KIF13A: variants seen among roughly 807,000 people sequenced by gnomAD.
The protein encoded by KIF13A is kinesin-like protein KIF13A.
KIF13A carries 79 observed loss-of-function variants against 212.2 expected under a neutral mutation model. That is an observed-to-expected ratio of 0.37 (90% confidence interval 0.31 to 0.45). KIF13A has a LOEUF of 0.45. KIF13A is among the 20% of genes least tolerant of loss of function. KIF13A has a pLI of 1.00. For missense variants in KIF13A, 1,901 were observed against 2,209.0 expected (o/e 0.86, Z 2.79); for synonymous variants, 789 against 808.6 (o/e 0.98, Z 0.41).
chr6:17,881,974 C>A (rs768719468), intron 3 of KIF13A: 4 of 454,986 alleles, frequency 8.8e-6, no homozygotes, highest in South Asian at 6.2e-5. Flanking sequence ...CCAGCCTGGG[C>A]AACAGAGCAA....
chr6:17,874,457 T>G (rs189163076), intron 3 of KIF13A, among the ~76,000 whole-genome samples: 1 of 152,028 alleles, frequency 6.6e-6, no homozygotes, highest in East Asian at 1.9e-4. Context: ...TTTTTTTGAG[T>G]TGGAGTCTCG....
At chr6:17,975,273 A>T (rs112045430) in intron 2 of KIF13A, among the ~76,000 whole-genome samples, 2 of 152,132 alleles carry the variant, frequency 1.3e-5, no homozygotes, top group African/African-American at 4.8e-5. Context: ...GAATTGTTTG[A>T]ATCTGGGAGG....
At chr6:17,940,344 C>G (rs1483850411) in intron 2 of KIF13A, among the ~76,000 whole-genome samples, 1 of 152,310 alleles carries the variant, frequency 6.6e-6, no homozygotes, top group African/African-American at 2.4e-5. Context: ...TTCTGCATTT[C>G]TAATGAGCTC....
At chr6:17,929,201 T>C (rs372595338) in intron 2 of KIF13A, among the ~76,000 whole-genome samples, 28 of 152,004 alleles carry the variant, frequency 1.8e-4, no homozygotes, top group African/African-American at 6.7e-4. Context: ...TTTACCTATG[T>C]GTGTGTGTGA....
At chr6:17,852,071 G>C in intron 6 of KIF13A, 29 bp from the exon 7 acceptor site, 1 of 1,198,314 alleles carries the variant, frequency 8.3e-7, no homozygotes, top group Non-Finnish European at 1.1e-6. Flanking sequence ...AGGAATAAAT[G>C]AATCACACCA....
Position 17,800,226 on chromosome 6 carries a change from C to T in KIF13A, c.2455-113G>A, listed in dbSNP as rs909945640. 3.6e-5 allele frequency: 36 copies of T among 998,800 alleles called. No individual in the cohort carries two copies. In the African/African-American group the frequency reaches 5.4e-4, roughly 15 times the overall value. The allele number at this position is 998,800 out of a possible 1,614,324, so 61.9% of individuals were successfully genotyped here. On this transcript the variant is annotated intron_variant, in intron 20 of 38. Coordinates refer to ENST00000259711, the MANE Select transcript of KIF13A (RefSeq NM_022113.6). ...CTGGAGAGGGGCTCTGCAGCTGCTGCTTGGTCGTCTTCGGCAACGGGAGCC... is the reference window on the plus strand; with the variant it reads ...CTGGAGAGGGGCTCTGCAGCTGCTGTTTGGTCGTCTTCGGCAACGGGAGCC...
chr6:17,854,963 T>C lies in KIF13A; in HGVS notation c.494+474A>G, dbSNP rs981285862. ...AAATATAGATCCCTGGGTTTCACCC[T>C]GGGTCTACTGAATACAGTCTCTATG... On this transcript the variant is annotated intron_variant, in intron 6 of 38. Transcript: ENST00000259711. Among the ~76,000 whole-genome samples, 4 of 152,204 alleles carry C rather than the reference T, an allele frequency of 2.6e-5. No homozygotes were observed. In the South Asian group the frequency reaches 8.3e-4, roughly 32 times the overall value.
chr6:17,957,039 C>A (rs917421842), intron 2 of KIF13A, among the ~76,000 whole-genome samples: 1 of 152,122 alleles, frequency 6.6e-6, no homozygotes, highest in East Asian at 1.9e-4. Context: ...CACCACCATG[C>A]CTGGCTAATT....
intron 2 of KIF13A, among the ~76,000 whole-genome samples, chr6:17,930,459 C>T (rs1232265298): frequency 6.6e-6 from 1 of 152,078 alleles, no homozygotes; most frequent in Non-Finnish European, 1.5e-5. Context: ...ATTTTAATTT[C>T]CTGGAAACAG....
At chr6:17,874,912 C>T (rs1158789719) in intron 3 of KIF13A, among the ~76,000 whole-genome samples, 1 of 122,722 alleles carries the variant, frequency 8.1e-6, no homozygotes, top group Non-Finnish European at 1.9e-5. Flanking sequence ...CAATAGTCTC[C>T]AATCTCATGC....
Position 17,984,115 on chromosome 6 carries a change from C to A in KIF13A, c.146+2939G>T, listed in dbSNP as rs1781341525. Among the ~76,000 whole-genome samples the A allele has an allele frequency of 6.6e-6, 1 of 152,224 alleles. No homozygotes were observed. The highest frequency in any genetic ancestry group is 1.5e-5 in the Non-Finnish European group (1 of 68,046). On this transcript the variant is annotated intron_variant, in intron 2 of 38. Transcript: ENST00000259711. This position sits in a 1 kb window ranked among gnomAD's most constrained non-coding sequence, Gnocchi z 5.0. ...TACCTACCTGCCTTCAAGCAGTTCA[C>A]AGCCTCCAGGGAGAGAAAGAGGAAA...
At chr6:17,922,853 G>C (rs1221707707) in intron 2 of KIF13A, among the ~76,000 whole-genome samples, 1 of 151,638 alleles carries the variant, frequency 6.6e-6, no homozygotes, top group African/African-American at 2.4e-5. Flanking sequence ...CAAACTCCTG[G>C]GCTCAAGCGA....
downstream of KIF13A, chr6:17,760,789 T>C (rs1581829966): frequency 8.5e-6 from 13 of 1,521,366 alleles, no homozygotes; most frequent in Non-Finnish European, 1.0e-5. Context: ...ATGGGGCTGG[T>C]GCTTGCCCAA....
rs1254232887 is a variant in KIF13A, at chr6:17,784,936, CAA to C, written c.3488+577_3488+578del. 2.0e-5 allele frequency among the ~76,000 whole-genome samples: 3 copies of C among 151,966 alleles called. No individual in the cohort carries two copies. In the East Asian group the frequency reaches 5.8e-4, roughly 29 times the overall value. On this transcript the variant is annotated intron_variant, in intron 28 of 38. Transcript: ENST00000259711. The stretch of plus-strand genomic sequence containing the variant: ...TATCACTAATGTTTCTATGCCAGTT[CAA>C]AAAAGACTATCTGGGCATGTACATT...
chr6:17,961,830 T>C lies in KIF13A; in HGVS notation c.146+25224A>G, dbSNP rs1183475037. On this transcript the variant is annotated intron_variant, in intron 2 of 38. Coordinates refer to ENST00000259711, the MANE Select transcript of KIF13A (RefSeq NM_022113.6). The surrounding 1 kb of genome is among the most constrained non-coding windows in gnomAD (Gnocchi z 4.1). ...CTAGTTTCAAATTCTTCTCTTATTC[T>C]CACCTAAGCCCTGTGTTCCTCTGTA... Among the ~76,000 whole-genome samples, 1 of 152,232 alleles carries C rather than the reference T, an allele frequency of 6.6e-6. No individual in the cohort carries two copies. Among genetic ancestry groups the C allele is most frequent in the Non-Finnish European group, 1.5e-5 (1 of 68,044 alleles).
At position 17,769,695 on chromosome 6, in the gene KIF13A, A is replaced by G. The variant is rs893217124; in HGVS notation, c.4581+1419T>C. ...AATTGAGTGGCTGTGCACCACAGTG[A>G]TAAGTGTCATGCCAATAAACAGATC... On this transcript the variant is annotated intron_variant, in intron 38 of 38. Coordinates refer to ENST00000259711, the MANE Select transcript of KIF13A (RefSeq NM_022113.6). The surrounding 1 kb of genome is among the most constrained non-coding windows in gnomAD (Gnocchi z 5.8). 1.3e-5 allele frequency among the ~76,000 whole-genome samples: 2 copies of G among 152,164 alleles called. No homozygotes were observed. Among genetic ancestry groups the G allele is most frequent in the African/African-American group, 4.8e-5 (2 of 41,438 alleles).
intron 16 of KIF13A, among the ~76,000 whole-genome samples, chr6:17,817,863 G>T (rs184810880): frequency 3.9e-5 from 6 of 152,272 alleles, no homozygotes; most frequent in Admixed American, 2.6e-4. Context: ...AACATCTCAC[G>T]TGTACAGGCA....
rs1482604606 is a variant in KIF13A, at chr6:17,892,745, T to C, written c.159+5423A>G. Reference sequence around the variant, plus strand: ...CTACAAGGATGGGAGAGCATCTGGGTTGCTGAACACAAGAAGGTACTGGAA... The same window carrying C: ...CTACAAGGATGGGAGAGCATCTGGGCTGCTGAACACAAGAAGGTACTGGAA... On this transcript the variant is annotated intron_variant, in intron 3 of 38. Transcript: ENST00000259711. This position sits in a 1 kb window ranked among gnomAD's most constrained non-coding sequence, Gnocchi z 4.7. Among the ~76,000 whole-genome samples the C allele has an allele frequency of 2.6e-5, 4 of 152,168 alleles. No homozygotes were observed. The highest frequency in any genetic ancestry group is 5.9e-5 in the Non-Finnish European group (4 of 68,020).
intron 2 of KIF13A, among the ~76,000 whole-genome samples, chr6:17,916,116 G>A (rs958961423): frequency 4.0e-4 from 61 of 152,220 alleles, no homozygotes; most frequent in African/African-American, 1.4e-3. Flanking sequence ...TGACATGTCT[G>A]TGACAAAAGT....
Sources: allele counts gnomAD v4.1 joint callset (sites outside exome capture counted in the v4.1 genomes callset), GRCh38; gene constraint gnomAD v4.1.1; non-coding constraint Gnocchi (gnomAD v3.1); transcripts MANE v1.5; gene names NCBI Gene and HGNC (gene_info 2026-07-23, HGNC 2026-07-21).